The following TAF4 variants were observed in gnomAD, a reference collection of about 807,000 sequenced individuals.
TAF4 encodes the protein transcription initiation factor TFIID subunit 4.
Under a neutral mutation model 90.3 loss-of-function variants are expected in TAF4, and 9 were observed. The ratio of observed to expected loss-of-function variants is 0.10; its 90% confidence interval spans 0.06 to 0.17. TAF4 has a LOEUF of 0.17. Ranked by LOEUF, TAF4 falls within the 10% of genes least tolerant of loss-of-function variation. The probability of loss-of-function intolerance (pLI) is 1.00; values close to 1 mark genes in which losing one functional copy is unlikely to be tolerated. For synonymous variants in TAF4, 818 were observed against 638.9 expected (o/e 1.28, Z -4.23); for missense variants, 1,351 against 1,370.7 (o/e 0.99, Z 0.23).
intron 1 of TAF4, among the ~76,000 whole-genome samples, chr20:62,048,840 C>A (rs573653698): frequency 6.7e-6 from 1 of 149,582 alleles, no homozygotes; most frequent in African/African-American, 2.5e-5. Context: ...ACACCCCCAC[C>A]CCAGCCCTCT....
rs1035482079 is a variant in TAF4, at chr20:61,976,111, C to T, written c.*57G>A. On this transcript the variant is annotated 3_prime_UTR_variant, in exon 15 of 15. Coordinates refer to ENST00000252996, the MANE Select transcript of TAF4 (RefSeq NM_003185.4). The stretch of plus-strand genomic sequence containing the variant: ...TTTTTTAAACAATATCCCATTTGCT[C>T]GTTACAAAAAGGCGTAATCTGCAAA... 1.1e-5 allele frequency: 18 copies of T among 1,580,600 alleles called. No individual in the cohort carries two copies. Among genetic ancestry groups the T allele is most frequent in the Admixed American group, 1.7e-5 (1 of 59,380 alleles).
At chr20:62,059,780 C>T (rs1324649331) in intron 1 of TAF4, among the ~76,000 whole-genome samples, 2 of 152,202 alleles carry the variant, frequency 1.3e-5, no homozygotes, top group Non-Finnish European at 2.9e-5. Context: ...CAAAGCACTT[C>T]GGGAACCCTG....
chr20:62,008,722 G>T, intron 5 of TAF4: 1 of 210,094 alleles, frequency 4.8e-6, no homozygotes. Flanking sequence ...GGCCAGAAGG[G>T]AGTTGCTGGA....
At chr20:61,994,106 G>GA (rs11287984) in intron 14 of TAF4, among the ~76,000 whole-genome samples, 102 of 147,566 alleles carry the variant, frequency 6.9e-4, no homozygotes, top group Non-Finnish European at 5.4e-4. Flanking sequence ...AGAAATCCAG[G>GA]AAAAAAAAAA....
At chr20:62,036,745 C>G (rs760565900) in intron 1 of TAF4, among the ~76,000 whole-genome samples, 1 of 152,206 alleles carries the variant, frequency 6.6e-6, no homozygotes, top group Non-Finnish European at 1.5e-5. Context: ...AAATAAACAT[C>G]CACTCACGAC....
intron 1 of TAF4, among the ~76,000 whole-genome samples, chr20:62,021,375 G>T (rs1885227759): frequency 6.6e-6 from 1 of 152,256 alleles, no homozygotes; most frequent in African/African-American, 2.4e-5. Context: ...CAGGCACAGG[G>T]TCCGGAGGGC....
chr20:62,021,597 G>A (rs964445499), intron 1 of TAF4, among the ~76,000 whole-genome samples: 2 of 152,264 alleles, frequency 1.3e-5, no homozygotes, highest in South Asian at 4.1e-4. Flanking sequence ...CTGCGGCTGG[G>A]CAGCCAGACG....
intron 1 of TAF4, among the ~76,000 whole-genome samples, chr20:62,033,813 CG>C (rs1337313915): frequency 7.9e-5 from 12 of 151,454 alleles, no homozygotes; most frequent in Admixed American, 7.2e-4. Flanking sequence ...AAGGCTAAGG[CG>C]GGTGGATCAC....
chr20:62,012,968 C>T (rs1231087732), intron 2 of TAF4, 34 bp from the exon 3 acceptor site: 14 of 1,609,838 alleles, frequency 8.7e-6, no homozygotes, highest in Middle Eastern at 3.3e-4. Flanking sequence ...AAAACGAGCG[C>T]AAGTAAAAGG....
In TAF4 at chr20:62,065,249, T is replaced by C; in HGVS notation, c.562A>G (p.Lys188Glu). The C allele has an allele frequency of 9.8e-7, 1 of 1,017,524 alleles. No individual in the cohort carries two copies. The highest frequency in any genetic ancestry group is 1.2e-6 in the Non-Finnish European group (1 of 848,944). The allele number at this position is 1,017,524 out of a possible 1,614,324, so 63.0% of individuals were successfully genotyped here. The change falls in exon 1 of 15, where the codon AAG (lysine) becomes GAG (glutamate). Residue 188 changes from lysine (K) to glutamate (E), a missense_variant. Around this residue, in one of 9 missense-constraint regions of TAF4, gnomAD observed 782 missense variants for 536.6 expected, o/e 1.46. Transcript: ENST00000252996. The stretch of plus-strand genomic sequence containing the variant: ...TGCGCGGCGCCGGGGCCGGCGGGCT[T>C]GCCAGGGCCAGGGCCGGGGCCGGGG... ...PGPGPGPGPG[K>E]PAGPGAAQTL... is the part of the protein sequence containing the mutation.
intron 1 of TAF4, among the ~76,000 whole-genome samples, chr20:62,042,246 C>T (rs979494084): frequency 1.3e-5 from 2 of 152,166 alleles, no homozygotes; most frequent in African/African-American, 4.8e-5. Flanking sequence ...GGCTGGGCAC[C>T]GTCCAGGAGG....
chr20:62,009,511 C>A (rs920260776), intron 4 of TAF4, among the ~76,000 whole-genome samples: 1 of 152,236 alleles, frequency 6.6e-6, no homozygotes, highest in Non-Finnish European at 1.5e-5. Context: ...CAAACGGACA[C>A]AGAAGGAACC....
chr20:62,060,304 G>C (rs1391557065), intron 1 of TAF4, among the ~76,000 whole-genome samples: 1 of 152,240 alleles, frequency 6.6e-6, no homozygotes, highest in African/African-American at 2.4e-5. Context: ...CAACCGTAAC[G>C]AACTTCAAAC....
At chr20:61,979,633 G>A (rs1436377109) in intron 14 of TAF4, among the ~76,000 whole-genome samples, 1 of 147,480 alleles carries the variant, frequency 6.8e-6, no homozygotes, top group Non-Finnish European at 1.5e-5. Flanking sequence ...ACTCCAGAGG[G>A]ACTGCGGCCC....
At chr20:62,014,756 A>G in intron 1 of TAF4, 49 bp from the exon 2 acceptor site, 1 of 1,599,442 alleles carries the variant, frequency 6.3e-7, no homozygotes, top group Non-Finnish European at 8.5e-7. Flanking sequence ...CCCCAGAGCC[A>G]TGAGGAGGCC....
chr20:61,995,251 G>A (rs1375752849), intron 14 of TAF4, among the ~76,000 whole-genome samples: 2 of 152,164 alleles, frequency 1.3e-5, no homozygotes, highest in Non-Finnish European at 2.9e-5. Context: ...CCCAGGTGTT[G>A]AACTTGACAA....
intron 1 of TAF4, among the ~76,000 whole-genome samples, chr20:62,027,053 C>G (rs1479351017): frequency 1.3e-5 from 2 of 152,198 alleles, no homozygotes; most frequent in Non-Finnish European, 2.9e-5. Flanking sequence ...CAAATCAACA[C>G]AAAAGAAATG....
At chr20:62,014,762 A>G in intron 1 of TAF4, 55 bp from the exon 2 acceptor site, 2 of 1,596,860 alleles carry the variant, frequency 1.3e-6, no homozygotes, top group Non-Finnish European at 1.7e-6. Context: ...AGCCATGAGG[A>G]GGCCCTGGCC....
At chr20:62,014,019 G>GGT (rs56759835) in intron 2 of TAF4, among the ~76,000 whole-genome samples, 3,508 of 126,326 alleles carry the variant, frequency 0.028, 132 homozygotes, top group Admixed American at 0.13. Flanking sequence ...CGGGGGTGTG[G>GGT]GTGTGTGTGT....
Sources: gnomAD v4.1 joint callset for allele counts (sites outside exome capture counted in the v4.1 genomes callset) on GRCh38, gnomAD v4.1.1 for gene constraint, gnomAD v4.1.1 regional missense constraint, MANE v1.5 for transcripts, NCBI Gene and HGNC (gene_info 2026-07-23, HGNC 2026-07-21) for gene names.